DROSHA: variants seen among roughly 807,000 people sequenced by gnomAD.
The protein encoded by DROSHA is drosha ribonuclease III, also known as ribonuclease 3.
In DROSHA, 56 loss-of-function variants were observed where a neutral mutation model predicts 181.9. That is an observed-to-expected ratio of 0.31 (90% confidence interval 0.25 to 0.38). The LOEUF is 0.38. Ranked by LOEUF, DROSHA falls within the 10% of genes least tolerant of loss-of-function variation. DROSHA has a pLI of 1.00. For synonymous variants in DROSHA, 524 were observed against 591.2 expected (o/e 0.89, Z 1.65); for missense variants, 1,218 against 1,743.5 (o/e 0.70, Z 5.37).
At chr5:31,525,332 A>AC (rs1740397927) in intron 5 of DROSHA, among the ~76,000 whole-genome samples, 1 of 141,458 alleles carries the variant, frequency 7.1e-6, no homozygotes, top group South Asian at 2.3e-4. Context: ...TTCATCTCAA[A>AC]AAAAAAAAAA....
intron 23 of DROSHA, among the ~76,000 whole-genome samples, chr5:31,443,971 T>C (rs1580113127): frequency 6.6e-6 from 1 of 152,022 alleles, no homozygotes; most frequent in South Asian, 2.1e-4. Context: ...AATCTTACAG[T>C]CCAGTAAAGA....
At chr5:31,419,211 G>T (rs931803823) in intron 30 of DROSHA, among the ~76,000 whole-genome samples, 1 of 152,170 alleles carries the variant, frequency 6.6e-6, no homozygotes, top group Non-Finnish European at 1.5e-5. Context: ...ATGCTAATGG[G>T]AGTTGGTATC....
chr5:31,458,525 A>G (rs1043649525), intron 20 of DROSHA, among the ~76,000 whole-genome samples: 2 of 152,240 alleles, frequency 1.3e-5, no homozygotes, highest in South Asian at 4.1e-4. Context: ...CCCTGGGTCT[A>G]CATAACGATC....
At chr5:31,445,423 C>T (rs1746128493) in intron 23 of DROSHA, among the ~76,000 whole-genome samples, 2 of 152,170 alleles carry the variant, frequency 1.3e-5, no homozygotes, top group African/African-American at 4.8e-5. Flanking sequence ...ATAAGAAAAG[C>T]TAACGTACAA....
chr5:31,478,209 G>C (rs761190127), intron 16 of DROSHA, among the ~76,000 whole-genome samples: 26 of 152,200 alleles, frequency 1.7e-4, no homozygotes, highest in Non-Finnish European at 3.5e-4. Context: ...ACTAAACCAG[G>C]AATGTCCAAT....
chr5:31,441,120 TA>T (rs374464639), intron 23 of DROSHA, among the ~76,000 whole-genome samples: 3,680 of 143,710 alleles, frequency 0.026, 87 homozygotes, highest in African/African-American at 0.063. Flanking sequence ...TAATTTAGTT[TA>T]AAAAAAAAAA....
At chr5:31,434,058 A>G (rs1388803465) in intron 25 of DROSHA, among the ~76,000 whole-genome samples, 2 of 152,206 alleles carry the variant, frequency 1.3e-5, no homozygotes, top group Non-Finnish European at 2.9e-5. Flanking sequence ...GCTGCAGCCA[A>G]TGGGTGTTGA....
chr5:31,462,642 A>G (rs1338396894), intron 20 of DROSHA, among the ~76,000 whole-genome samples: 1 of 85,526 alleles, frequency 1.2e-5, no homozygotes, highest in Non-Finnish European at 2.3e-5. Context: ...CTTCACAAAA[A>G]GAAAAAAAAA....
chr5:31,494,670 A>G (rs1448586564), intron 12 of DROSHA, among the ~76,000 whole-genome samples: 1 of 152,100 alleles, frequency 6.6e-6, no homozygotes, highest in Non-Finnish European at 1.5e-5. Flanking sequence ...CTTTGGAAAC[A>G]GTTTGGCATT....
At chr5:31,428,610 G>A (rs1488537881) in intron 27 of DROSHA, among the ~76,000 whole-genome samples, 1 of 152,112 alleles carries the variant, frequency 6.6e-6, no homozygotes, top group Non-Finnish European at 1.5e-5. Flanking sequence ...TATGAACATT[G>A]TCCAGGTCAT....
At chr5:31,413,083 C>T (rs148435326) in intron 30 of DROSHA, among the ~76,000 whole-genome samples, 33 of 152,324 alleles carry the variant, frequency 2.2e-4, no homozygotes, top group East Asian at 2.1e-3. Flanking sequence ...ACCTCACTGG[C>T]GGCCAGGCCC....
At chr5:31,504,200 C>A (rs1355034139) in intron 11 of DROSHA, among the ~76,000 whole-genome samples, 1 of 152,128 alleles carries the variant, frequency 6.6e-6, no homozygotes, top group Admixed American at 6.5e-5. Context: ...ACATGCACTT[C>A]AAAGCACTTT....
At chr5:31,502,483 C>T (rs921627669) in intron 11 of DROSHA, among the ~76,000 whole-genome samples, 1 of 152,212 alleles carries the variant, frequency 6.6e-6, no homozygotes, top group Non-Finnish European at 1.5e-5. Flanking sequence ...ATACCAGATA[C>T]ACATGTGGCC....
chr5:31,510,980 T>C lies in DROSHA; in HGVS notation c.1432+55A>G, dbSNP rs752583870. ...CTCTCAAGGGTATTTCCCCAAAATT[T>C]AGGAATGAAGCTATAATCGCAAGGG... On this transcript the variant is annotated intron_variant, in intron 9 of 35. Coordinates refer to ENST00000344624, the MANE Select transcript of DROSHA (RefSeq NM_001382508.1). 8.1e-4 allele frequency: 1,282 copies of C among 1,582,456 alleles called. 1 individual carries two copies. The highest frequency in any genetic ancestry group is 1.1e-3 in the Non-Finnish European group (1,235 of 1,166,806).
chr5:31,409,519 G>A lies in DROSHA; in HGVS notation c.3668-187C>T. 1.7e-6 allele frequency: 1 copy of A among 585,478 alleles called. No individual in the cohort carries two copies. Among genetic ancestry groups the A allele is most frequent in the Non-Finnish European group, 3.1e-6 (1 of 327,202 alleles). The allele number at this position is 585,478 out of a possible 1,614,324, so 36.3% of individuals were successfully genotyped here. On this transcript the variant is annotated intron_variant, in intron 31 of 35. Transcript: ENST00000344624. The surrounding 1 kb of genome is among the most constrained non-coding windows in gnomAD (Gnocchi z 4.0). The stretch of plus-strand genomic sequence containing the variant: ...TAATATCAGAAGCAGCAAGAGATGT[G>A]TAAGATGCAAATCATAGAGTACAAA...
At chr5:31,406,535 C>A (rs557484148) in intron 34 of DROSHA, among the ~76,000 whole-genome samples, 3 of 152,146 alleles carry the variant, frequency 2.0e-5, no homozygotes, top group South Asian at 4.2e-4. Context: ...TCATGTGCGA[C>A]ATGACACATC....
At position 31,411,007 on chromosome 5, in the gene DROSHA, G is replaced by GCCATAGACCTCACT; in HGVS notation, c.3526-121_3526-120insAGTGAGGTCTATGG. 7.1e-7 allele frequency: 1 copy of GCCATAGACCTCACT among 1,408,946 alleles called. No individual in the cohort carries two copies. Among genetic ancestry groups the GCCATAGACCTCACT allele is most frequent in the African/African-American group, 1.4e-5 (1 of 69,868 alleles). 87.3% of individuals were successfully genotyped at this position (1,408,946 alleles called of 1,614,324 possible). A position where few individuals can be genotyped will look rare whatever the true frequency, so the allele number is the denominator to read the frequency against. On this transcript the variant is annotated intron_variant, in intron 30 of 35. Coordinates refer to ENST00000344624, the MANE Select transcript of DROSHA (RefSeq NM_001382508.1). This position sits in a 1 kb window ranked among gnomAD's most constrained non-coding sequence, Gnocchi z 4.2. Reference sequence around the variant, plus strand: ...TGACAGGGACACCAAAATAAGTGAGGTCTATGGCCTCAACCATCACCCAGA... The same window carrying GCCATAGACCTCACT: ...TGACAGGGACACCAAAATAAGTGAGGCCATAGACCTCACTTCTATGGCCTCAACCATCACCCAGA...
intron 16 of DROSHA, among the ~76,000 whole-genome samples, chr5:31,472,922 T>C (rs923126716): frequency 2.0e-5 from 3 of 152,208 alleles, no homozygotes; most frequent in African/African-American, 7.2e-5. Flanking sequence ...AGCCAATTAA[T>C]CTAGTATTTG....
chr5:31,404,554 C>T (rs953289951), intron 35 of DROSHA, among the ~76,000 whole-genome samples: 2 of 152,158 alleles, frequency 1.3e-5, no homozygotes, highest in Non-Finnish European at 2.9e-5. Context: ...TGTCTCCTAC[C>T]TCATTTAGCA....
Sources: allele counts gnomAD v4.1 joint callset (sites outside exome capture counted in the v4.1 genomes callset), GRCh38; gene constraint gnomAD v4.1.1; non-coding constraint Gnocchi (gnomAD v3.1); transcripts MANE v1.5; gene names NCBI Gene and HGNC (gene_info 2026-07-23, HGNC 2026-07-21).